Variants in RETREG1 observed in about 807,000 individuals in gnomAD.
RETREG1 encodes family with sequence similarity 134 member B.
RETREG1 carries 44 observed loss-of-function variants against 54.8 expected under a neutral mutation model. That is an observed-to-expected ratio of 0.80 (90% CI 0.63 to 1.03). The LOEUF is 1.03. RETREG1 is among the 50% of genes least tolerant of loss of function. RETREG1 has a pLI of 0.00. For synonymous variants in RETREG1, 217 were observed against 238.5 expected (o/e 0.91, Z 0.83); for missense variants, 554 against 605.1 (o/e 0.92, Z 0.89).
In RETREG1 at chr5:16,483,385, A is replaced by G. The variant is rs1204716221; in HGVS notation, c.546T>C (p.Leu182=). Residue 182 remains leucine, a synonymous_variant, in exon 4 of 9, where the codon CTT becomes CTC. Coordinates refer to ENST00000306320, the MANE Select transcript of RETREG1 (RefSeq NM_001034850.3). ...AESWMNFSIF[L]QEMSLFKQQS... ...GCTGTTTAAAAAGAGACATTTCTTG[A>G]AGAAATATGCTGAAATTCATCCATG... is the stretch of plus-strand genomic sequence containing the variant. 1.2e-6 allele frequency: 2 copies of G among 1,613,322 alleles called. No individual in the cohort carries two copies. The highest frequency in any genetic ancestry group is 1.7e-6 in the Non-Finnish European group (2 of 1,179,456).
rs536849192 is a variant in RETREG1, at chr5:16,569,378, G to A, written c.427+2618C>T. 2.6e-5 allele frequency among the ~76,000 whole-genome samples: 4 copies of A among 151,470 alleles called. No individual in the cohort carries two copies. The South Asian group carries it at 8.3e-4, about 32-fold the overall frequency. Reference sequence around the variant, plus strand: ...GGTGAAGACTGAAAGCCTGTCCTTGGACAACGGCCTGATCTACAGGATTGC... The same window carrying A: ...GGTGAAGACTGAAAGCCTGTCCTTGAACAACGGCCTGATCTACAGGATTGC... On this transcript the variant is annotated intron_variant, in intron 2 of 8. Transcript: ENST00000306320.
At chr5:16,567,931 G>C (rs1240650) in intron 2 of RETREG1, among the ~76,000 whole-genome samples, 55,060 of 151,984 alleles carry the variant, frequency 0.36, 10,751 homozygotes, top group Non-Finnish European at 0.44. Flanking sequence ...CTGCACTCCA[G>C]CCTGGGCAAC....
chr5:16,502,174 G>A (rs1335430526), intron 3 of RETREG1, among the ~76,000 whole-genome samples: 1 of 150,646 alleles, frequency 6.6e-6, no homozygotes, highest in African/African-American at 2.4e-5. Flanking sequence ...TAGCCAGGAT[G>A]GTCTCGATCT....
chr5:16,609,149 G>A (rs995131686), intron 1 of RETREG1, among the ~76,000 whole-genome samples: 3 of 152,182 alleles, frequency 2.0e-5, no homozygotes, highest in Non-Finnish European at 4.4e-5. Flanking sequence ...CAGTGCAAAG[G>A]CAGACTATGT....
At chr5:16,564,700 C>T (rs1009265112) in intron 3 of RETREG1, among the ~76,000 whole-genome samples, 1 of 152,286 alleles carries the variant, frequency 6.6e-6, no homozygotes, top group East Asian at 1.9e-4. Flanking sequence ...CCAGGGATCA[C>T]GTTTCTCTTC....
chr5:16,500,823 G>T (rs571728223), intron 3 of RETREG1, among the ~76,000 whole-genome samples: 4 of 152,160 alleles, frequency 2.6e-5, no homozygotes, highest in East Asian at 1.9e-4. Flanking sequence ...AAACCACAAA[G>T]AGCCCACAGA....
intron 3 of RETREG1, among the ~76,000 whole-genome samples, chr5:16,516,070 A>G (rs2126574124): frequency 6.6e-6 from 1 of 152,234 alleles, no homozygotes; most frequent in East Asian, 1.9e-4. Context: ...AAGCAAAAAA[A>G]AAAAAAAAAG....
intron 3 of RETREG1, among the ~76,000 whole-genome samples, chr5:16,528,929 CA>C (rs1740824676): frequency 6.6e-6 from 1 of 151,772 alleles, no homozygotes; most frequent in Admixed American, 6.6e-5. Flanking sequence ...GCTGTATTTA[CA>C]TACCCTCACC....
chr5:16,590,956 C>T (rs1375011220), intron 1 of RETREG1, among the ~76,000 whole-genome samples: 1 of 152,074 alleles, frequency 6.6e-6, no homozygotes, highest in Non-Finnish European at 1.5e-5. Flanking sequence ...CATGCAAACA[C>T]ACATGCACAC....
rs190232952 is a variant in RETREG1, at chr5:16,613,832, T to C, written c.320+2820A>G. 1.1e-3 allele frequency among the ~76,000 whole-genome samples: 164 copies of C among 152,130 alleles called. 2 individuals carry two copies. In the East Asian group the frequency reaches 0.019, roughly 18 times the overall value. On this transcript the variant is annotated intron_variant, in intron 1 of 8. Coordinates refer to ENST00000306320, the MANE Select transcript of RETREG1 (RefSeq NM_001034850.3). ...TAGAGTATCACATAATTTAAGATCA[T>C]TTGAGAAGAAATACATTATTTAAAG... is the stretch of plus-strand genomic sequence containing the variant.
rs1041734937 is a variant in RETREG1, at chr5:16,549,208, T to C, written c.458+16555A>G. On this transcript the variant is annotated intron_variant, in intron 3 of 8. Transcript: ENST00000306320. Reference sequence around the variant, plus strand: ...CATATTCTAACCAGCTTGAGGAAATTCATTTATTACAAGCTGTGTATTCCT... The same window carrying C: ...CATATTCTAACCAGCTTGAGGAAATCCATTTATTACAAGCTGTGTATTCCT... Among the ~76,000 whole-genome samples, 4 of 152,350 alleles carry C rather than the reference T, an allele frequency of 2.6e-5. No homozygotes were observed. In the East Asian group the frequency reaches 7.7e-4, roughly 29 times the overall value.
intron 3 of RETREG1, among the ~76,000 whole-genome samples, chr5:16,522,095 GC>G (rs35436733): frequency 0.27 from 40,653 of 151,952 alleles, 5,681 homozygotes; most frequent in East Asian, 0.4. Flanking sequence ...AAGCAATGGG[GC>G]TTGGGAAATG....
chr5:16,503,256 T>A (rs1739794172), intron 3 of RETREG1, among the ~76,000 whole-genome samples: 1 of 152,224 alleles, frequency 6.6e-6, no homozygotes, highest in East Asian at 1.9e-4. Context: ...TTCTACATGT[T>A]CTTAATCAAT....
intron 1 of RETREG1, among the ~76,000 whole-genome samples, chr5:16,601,557 C>T (rs1221591619): frequency 6.6e-6 from 1 of 151,942 alleles, no homozygotes; most frequent in Admixed American, 6.6e-5. Context: ...CCACCATACC[C>T]GGCTAATTTT....
intron 3 of RETREG1, among the ~76,000 whole-genome samples, chr5:16,528,229 T>C (rs1036635266): frequency 6.6e-6 from 1 of 152,124 alleles, no homozygotes; most frequent in Non-Finnish European, 1.5e-5. Context: ...AAAGAGAAAG[T>C]AGGAAAAGCA....
chr5:16,480,582 C>T (rs1474050530), intron 5 of RETREG1, among the ~76,000 whole-genome samples: 1 of 151,996 alleles, frequency 6.6e-6, no homozygotes, highest in Non-Finnish European at 1.5e-5. Context: ...GTGAGAATTC[C>T]ACTTGCTCTG....
chr5:16,591,469 T>C (rs760269871), intron 1 of RETREG1, among the ~76,000 whole-genome samples: 2 of 152,162 alleles, frequency 1.3e-5, no homozygotes, highest in African/African-American at 4.8e-5. Flanking sequence ...GGGATGTTTG[T>C]TTTTAATGCT....
chr5:16,558,423 T>C (rs1360865459), intron 3 of RETREG1, among the ~76,000 whole-genome samples: 1 of 152,200 alleles, frequency 6.6e-6, no homozygotes, highest in Non-Finnish European at 1.5e-5. Flanking sequence ...CTATAAGCAA[T>C]GAATTTCTTT....
At chr5:16,538,774 G>A (rs911259689) in intron 3 of RETREG1, among the ~76,000 whole-genome samples, 9 of 151,602 alleles carry the variant, frequency 5.9e-5, no homozygotes, top group Non-Finnish European at 8.8e-5. Context: ...GCACGATCTC[G>A]GCTCACTGCA....
Sources: gnomAD v4.1 joint callset for allele counts (sites outside exome capture counted in the v4.1 genomes callset) on GRCh38, gnomAD v4.1.1 for gene constraint, MANE v1.5 for transcripts, NCBI Gene and HGNC (gene_info 2026-07-23, HGNC 2026-07-21) for gene names.